The following NEDD4L variants were observed in gnomAD, a reference collection of about 807,000 sequenced individuals.
NEDD4L encodes E3 ubiquitin-protein ligase NEDD4-like.
Under a neutral mutation model 148.9 loss-of-function variants are expected in NEDD4L, and 54 were observed. The observed-to-expected ratio is 0.36, with a 90% CI of 0.29 to 0.45. NEDD4L has a LOEUF of 0.45. Ranked by LOEUF, NEDD4L falls within the 20% of genes least tolerant of loss-of-function variation. The probability of loss-of-function intolerance (pLI) is 1.00; values close to 1 mark genes in which losing one functional copy is unlikely to be tolerated. For synonymous variants in NEDD4L, 433 were observed against 440.7 expected, an observed-to-expected ratio of 0.98 and a Z score of 0.22; for missense variants, 856 against 1,233.8, an observed-to-expected ratio of 0.69 and a Z score of 4.59.
chr18:58,327,441 T>G (rs2059406817), intron 9 of NEDD4L, among the ~76,000 whole-genome samples: 1 of 152,172 alleles, frequency 6.6e-6, no homozygotes, highest in Non-Finnish European at 1.5e-5. Context: ...CATGTAGTTT[T>G]GGGAGAAGGC....
intron 1 of NEDD4L, among the ~76,000 whole-genome samples, chr18:58,117,488 AATT>A (rs2085923694): frequency 6.6e-6 from 1 of 152,154 alleles, no homozygotes; most frequent in Non-Finnish European, 1.5e-5. Context: ...GAAAAGGTAA[AATT>A]ATAAGCTAAT....
intron 13 of NEDD4L, 127 bp downstream of exon 13, chr18:58,335,664 C>A (rs568460036): frequency 6.9e-6 from 5 of 729,040 alleles, no homozygotes; most frequent in South Asian, 1.6e-5. Context: ...GAGCTGCACA[C>A]GTTTCTTATT....
chr18:58,383,403 C>T (rs1013436060), intron 25 of NEDD4L, 84 bp downstream of exon 25: 7 of 765,214 alleles, frequency 9.1e-6, no homozygotes, highest in East Asian at 2.8e-5. Context: ...ACAGCTCATG[C>T]ATTTATTATG....
chr18:58,120,007 C>T (rs919293259), intron 1 of NEDD4L, among the ~76,000 whole-genome samples: 2 of 152,198 alleles, frequency 1.3e-5, no homozygotes, highest in African/African-American at 2.4e-5. Flanking sequence ...TGATAATTTT[C>T]CTTAATCGTC....
chr18:58,090,178 CTTAG>C (rs923943609), intron 1 of NEDD4L, among the ~76,000 whole-genome samples: 10 of 152,152 alleles, frequency 6.6e-5, no homozygotes, highest in African/African-American at 1.2e-4. Context: ...ATCTGTGGTT[CTTAG>C]TTAGCCTCAC....
chr18:58,374,597 G>A (rs1230239720), intron 24 of NEDD4L, among the ~76,000 whole-genome samples: 2 of 151,966 alleles, frequency 1.3e-5, no homozygotes, highest in Non-Finnish European at 2.9e-5. Context: ...TGCCCCTCTG[G>A]TCTCCAGCAG....
At chr18:58,266,774 C>A (rs2050280324) in intron 5 of NEDD4L, among the ~76,000 whole-genome samples, 1 of 152,090 alleles carries the variant, frequency 6.6e-6, no homozygotes, top group East Asian at 1.9e-4. Flanking sequence ...GATTTTTAAA[C>A]ACTTAAGTAT....
intron 1 of NEDD4L, among the ~76,000 whole-genome samples, chr18:58,128,953 C>T (rs940078409): frequency 2.0e-5 from 3 of 152,170 alleles, no homozygotes; most frequent in Admixed American, 6.5e-5. Flanking sequence ...AGCTATGAAG[C>T]GCCTGTCACG....
chr18:58,345,826 C>G (rs2042968318), intron 16 of NEDD4L, among the ~76,000 whole-genome samples: 1 of 152,088 alleles, frequency 6.6e-6, no homozygotes, highest in African/African-American at 2.4e-5. Context: ...AGTGCAACCT[C>G]TGTCTCCCGG....
chr18:58,045,166 C>A (rs1461008323), intron 1 of NEDD4L: 1 of 398,998 alleles, frequency 2.5e-6, no homozygotes, highest in Non-Finnish European at 4.4e-6. Context: ...AACTTTCTCT[C>A]TCATGATTGT....
intron 5 of NEDD4L, among the ~76,000 whole-genome samples, chr18:58,298,728 A>T (rs1275528109): frequency 6.6e-6 from 1 of 152,190 alleles, no homozygotes; most frequent in African/African-American, 2.4e-5. Context: ...GCACATGATG[A>T]CAAACATTTC....
chr18:58,142,599 A>C (rs1489126575), intron 1 of NEDD4L, among the ~76,000 whole-genome samples: 2 of 152,198 alleles, frequency 1.3e-5, no homozygotes, highest in Non-Finnish European at 2.9e-5. Flanking sequence ...AGTTTTGGGA[A>C]TCTTACCTTG....
chr18:58,137,706 T>G (rs11152060), intron 1 of NEDD4L, among the ~76,000 whole-genome samples: 60,252 of 151,350 alleles, frequency 0.4, 12,249 homozygotes, highest in East Asian at 0.53. Context: ...TAAGGATTTG[T>G]TTTTTTTTCC....
At chr18:58,309,098 C>A (rs930249920) in intron 5 of NEDD4L, among the ~76,000 whole-genome samples, 1 of 152,318 alleles carries the variant, frequency 6.6e-6, no homozygotes, top group African/African-American at 2.4e-5. Flanking sequence ...TTAATGTCCT[C>A]ATGTGTCTTC....
At chr18:58,300,732 G>T (rs890388777) in intron 5 of NEDD4L, among the ~76,000 whole-genome samples, 1 of 152,218 alleles carries the variant, frequency 6.6e-6, no homozygotes. Flanking sequence ...TATATGCTGG[G>T]CTCTGTTAGG....
At chr18:58,348,676 CT>C (rs1292102629) in intron 16 of NEDD4L, among the ~76,000 whole-genome samples, 1 of 152,094 alleles carries the variant, frequency 6.6e-6, no homozygotes, top group African/African-American at 2.4e-5. Flanking sequence ...GGGTCATAAT[CT>C]TTGGGCAACT....
intron 24 of NEDD4L, among the ~76,000 whole-genome samples, chr18:58,374,017 G>A (rs1377594423): frequency 3.9e-5 from 6 of 152,110 alleles, no homozygotes; most frequent in African/African-American, 1.4e-4. Context: ...AAGCCCAGAG[G>A]TATTTCCCAT....
At chr18:58,208,441 T>C (rs1308896097) in intron 2 of NEDD4L, among the ~76,000 whole-genome samples, 1 of 152,236 alleles carries the variant, frequency 6.6e-6, no homozygotes, top group Admixed American at 6.5e-5. Flanking sequence ...CCAAACTCTT[T>C]CCAGATCATA....
chr18:58,167,899 T>C (rs559893444), intron 2 of NEDD4L, among the ~76,000 whole-genome samples: 1 of 152,216 alleles, frequency 6.6e-6, no homozygotes, highest in East Asian at 1.9e-4. Context: ...GTTTTTATTT[T>C]GTTTTATCCA....
Sources: allele counts gnomAD v4.1 joint callset (sites outside exome capture counted in the v4.1 genomes callset), GRCh38; gene constraint gnomAD v4.1.1; transcripts MANE v1.5; gene names NCBI Gene and HGNC (gene_info 2026-07-23, HGNC 2026-07-21).